ACMSD: variants seen among roughly 807,000 people sequenced by gnomAD.
The protein encoded by ACMSD is aminocarboxymuconate semialdehyde decarboxylase.
ACMSD carries 37 observed loss-of-function variants against 45.9 expected under a neutral mutation model. The ratio of observed to expected loss-of-function variants is 0.81; its 90% CI spans 0.62 to 1.06. ACMSD has a LOEUF of 1.06. Ranked by LOEUF, ACMSD falls within the 50% of genes least tolerant of loss-of-function variation. ACMSD has a pLI of 0.00. For missense variants in ACMSD, 434 were observed against 420.9 expected (o/e 1.03, Z -0.27); for synonymous variants, 138 against 148.8 (o/e 0.93, Z 0.53).
chr2:134,889,120 T>A (rs149550461), intron 8 of ACMSD, among the ~76,000 whole-genome samples: 3 of 152,198 alleles, frequency 2.0e-5, no homozygotes, highest in African/African-American at 4.8e-5. Context: ...AGAAACAACA[T>A]GAGTAAAATG....
intron 2 of ACMSD, among the ~76,000 whole-genome samples, chr2:134,847,856 T>G (rs1414103427): frequency 2.0e-4 from 6 of 29,872 alleles, no homozygotes; most frequent in Admixed American, 1.2e-3. Flanking sequence ...CTTCTTTTTC[T>G]TTTTTTTTTT....
At chr2:134,878,491 T>C (rs1017683699) in intron 8 of ACMSD, among the ~76,000 whole-genome samples, 1 of 152,122 alleles carries the variant, frequency 6.6e-6, no homozygotes, top group Non-Finnish European at 1.5e-5. Context: ...CACAGCTGGC[T>C]AATTTTTGTA....
chr2:134,875,923 A>G (rs1362008149), intron 8 of ACMSD, among the ~76,000 whole-genome samples: 15 of 152,226 alleles, frequency 9.9e-5, no homozygotes, highest in Non-Finnish European at 2.9e-5. Context: ...AGCCTACTAC[A>G]CACCTAAACT....
chr2:134,863,359 T>C (rs775605089), intron 4 of ACMSD, 36 bp from the exon 5 acceptor site: 2 of 1,595,218 alleles, frequency 1.3e-6, no homozygotes, highest in South Asian at 2.2e-5. Context: ...AAGTAGGTTT[T>C]CAACAATGCG....
Position 134,861,897 on chromosome 2 carries a change from G to C in ACMSD, c.200-72G>C, listed in dbSNP as rs1038435491. The C allele has an allele frequency of 9.5e-5, 148 of 1,552,060 alleles. 2 individuals carry two copies. Among genetic ancestry groups the C allele is most frequent in the South Asian group, 3.6e-4 (32 of 89,820 alleles). ...TTAGGGTGGAGGCTTGCTGCCGCTT[G>C]GCCTTGGGAAAGGAAGGAGTGCCCA... On this transcript the variant is annotated intron_variant, in intron 3 of 9. Coordinates refer to ENST00000356140, the MANE Select transcript of ACMSD (RefSeq NM_138326.3).
chr2:134,887,781 T>G (rs576786533), intron 8 of ACMSD, among the ~76,000 whole-genome samples: 1 of 152,284 alleles, frequency 6.6e-6, no homozygotes, highest in East Asian at 1.9e-4. Context: ...AGGAAAGCCT[T>G]TTCACAAATG....
chr2:134,871,348 C>T (rs1178249935), intron 7 of ACMSD, among the ~76,000 whole-genome samples: 1 of 152,074 alleles, frequency 6.6e-6, no homozygotes, highest in African/African-American at 2.4e-5. Context: ...TTAATTATCT[C>T]CTTAAAGGTC....
intron 2 of ACMSD, among the ~76,000 whole-genome samples, chr2:134,853,220 T>C (rs556164853): frequency 6.7e-6 from 1 of 149,034 alleles, no homozygotes; most frequent in East Asian, 2.0e-4. Flanking sequence ...TGATGATACA[T>C]GCAGTATCAG....
chr2:134,859,267 G>A lies in ACMSD; in HGVS notation c.109G>A (p.Ala37Thr). The A allele has an allele frequency of 1.9e-6, 3 of 1,614,026 alleles. No homozygotes were observed. The highest frequency in any genetic ancestry group is 2.5e-6 in the Non-Finnish European group (3 of 1,179,922). The change falls in exon 3 of 10, where the codon GCA (alanine) becomes ACA (threonine). Residue 37 changes from alanine to threonine, a missense_variant. Coordinates refer to ENST00000356140, the MANE Select transcript of ACMSD (RefSeq NM_138326.3). ...VQLQHHSKGE[A>T]KLLKDGKVFR... ...TGTGGGTTTTCTGCCCCAGGGAGAA[G>A]CAAAGTTGTTGAAAGATGGGAAAGT...
chr2:134,885,488 T>TAC (rs4055117), intron 8 of ACMSD, among the ~76,000 whole-genome samples: 79,759 of 137,986 alleles, frequency 0.58, 24,727 homozygotes, highest in Middle Eastern at 0.91. Context: ...CAGGTCTAGT[T>TAC]AGTCAGACTT....
At chr2:134,864,355 C>T (rs994529166) in intron 5 of ACMSD, among the ~76,000 whole-genome samples, 1 of 151,578 alleles carries the variant, frequency 6.6e-6, no homozygotes, top group Non-Finnish European at 1.5e-5. Flanking sequence ...ATCGAAAATA[C>T]AGAAAAGTAT....
At position 134,856,005 on chromosome 2, in the gene ACMSD, C is replaced by T. The variant is rs117121068; in HGVS notation, c.103-3256C>T. On this transcript the variant is annotated intron_variant, in intron 2 of 9. Coordinates refer to ENST00000356140, the MANE Select transcript of ACMSD (RefSeq NM_138326.3). Reference sequence around the variant, plus strand: ...AAGGTAACCTTGAGGCCCTGAAGCACCACCAAAGGTGGTGTGCCCTCAAAG... The same window carrying T: ...AAGGTAACCTTGAGGCCCTGAAGCATCACCAAAGGTGGTGTGCCCTCAAAG... Among the ~76,000 whole-genome samples, 452 of 152,246 alleles carry T rather than the reference C, an allele frequency of 3.0e-3. 3 individuals carry two copies. Among genetic ancestry groups the T allele is most frequent in the South Asian group, 0.011 (52 of 4,826 alleles).
At chr2:134,899,953 G>C (rs1690405250) in intron 9 of ACMSD, among the ~76,000 whole-genome samples, 1 of 152,074 alleles carries the variant, frequency 6.6e-6, no homozygotes, top group South Asian at 2.1e-4. Flanking sequence ...TTTGCTTATG[G>C]AGTATAAACA....
At chr2:134,893,196 T>A (rs6714498) in intron 8 of ACMSD, among the ~76,000 whole-genome samples, 2 of 150,686 alleles carry the variant, frequency 1.3e-5, no homozygotes, top group African/African-American at 4.9e-5. Context: ...TTTCTTCCAA[T>A]ATATCACACT....
intron 6 of ACMSD, chr2:134,869,068 G>A (rs1195615092): frequency 6.6e-6 from 1 of 152,040 alleles, no homozygotes; most frequent in African/African-American, 2.4e-5. Flanking sequence ...TATTTAGTAA[G>A]GAGGCTTCCT....
chr2:134,891,986 C>CA lies in ACMSD; in HGVS notation c.850-6352dup, dbSNP rs1689810082. Among the ~76,000 whole-genome samples the CA allele has an allele frequency of 3.3e-5, 5 of 152,048 alleles. No individual in the cohort carries two copies. The South Asian group carries it at 1.0e-3, about 32-fold the overall frequency. On this transcript the variant is annotated intron_variant, in intron 8 of 9. Transcript: ENST00000356140. ...GTGAAATAACTCAGAAACAGAAAGT[C>CA]AAATACCACATGTTCTTACTTACAA...
intron 2 of ACMSD, among the ~76,000 whole-genome samples, chr2:134,858,695 T>C (rs1040888344): frequency 3.9e-5 from 6 of 152,074 alleles, no homozygotes; most frequent in African/African-American, 1.4e-4. Flanking sequence ...GCAAGCATGA[T>C]GCCTGGTGGA....
intron 1 of ACMSD, among the ~76,000 whole-genome samples, chr2:134,839,135 C>G (rs1441133138): frequency 6.6e-6 from 1 of 152,164 alleles, no homozygotes; most frequent in Non-Finnish European, 1.5e-5. Flanking sequence ...GTTTCAAGGA[C>G]TTCTAAAATA....
chr2:134,862,909 T>C (rs1407125816), intron 4 of ACMSD: 2 of 959,618 alleles, frequency 2.1e-6, no homozygotes, highest in Non-Finnish European at 2.5e-6. Context: ...CAGCCCTGAA[T>C]GTCACAGCCA....
Sources: allele counts gnomAD v4.1 joint callset (sites outside exome capture counted in the v4.1 genomes callset), GRCh38; gene constraint gnomAD v4.1.1; transcripts MANE v1.5; gene names NCBI Gene and HGNC (gene_info 2026-07-23, HGNC 2026-07-21).